The following MSS51 variants were observed in gnomAD, a reference collection of about 807,000 sequenced individuals.
MSS51 encodes putative protein MSS51 homolog, mitochondrial.
A neutral mutation model predicts 40.2 loss-of-function variants in MSS51; 32 were observed. The ratio of observed to expected loss-of-function variants is 0.80; its 90% confidence interval spans 0.60 to 1.07. MSS51 has a LOEUF of 1.07. Among genes scored for constraint, MSS51 ranks in the 50% least tolerant of loss-of-function variants. The pLI is 0.00. For missense variants in MSS51, 518 were observed against 568.9 expected (o/e 0.91, Z 0.91); for synonymous variants, 178 against 214.2 (o/e 0.83, Z 1.48).
In MSS51 at chr10:73,426,129, T is replaced by G. The variant is rs1349093878; in HGVS notation, c.751A>C (p.Arg251=). The change falls in exon 5 of 7, where the codon AGG becomes CGG. Residue 251 remains arginine, a synonymous_variant. Coordinates refer to ENST00000299432, the MANE Select transcript of MSS51 (RefSeq NM_001024593.2). ...CTCCTAACATCTATCCCCAAGGCCC[T>G]AAGTCCTAGGCCTAGAGTCAAGGGC... is the stretch of plus-strand genomic sequence containing the variant. ...SRPLTLGLGL[R]ALGIDVRRTG... 1 of 1,614,176 alleles carries G rather than the reference T, an allele frequency of 6.2e-7. No individual in the cohort carries two copies. Among genetic ancestry groups the G allele is most frequent in the Non-Finnish European group, 8.5e-7 (1 of 1,180,030 alleles).
At position 73,426,147 on chromosome 10, in the gene MSS51, T is replaced by C. The variant is rs370061989; in HGVS notation, c.733A>G (p.Thr245Ala). The change falls in exon 5 of 7, where the codon ACT becomes GCT. Residue 245 changes from threonine (T) to alanine (A), a missense_variant. Transcript: ENST00000299432. ...AAGGCCCTAAGTCCTAGGCCTAGAG[T>C]CAAGGGCCGTGACAGGACATCTGTC... ...LLTDVLSRPL[T>A]LGLGLRALGI... 1.5e-5 allele frequency: 25 copies of C among 1,614,062 alleles called. No homozygotes were observed. Among genetic ancestry groups the C allele is most frequent in the Non-Finnish European group, 2.1e-5 (25 of 1,180,032 alleles).
intron 4 of MSS51, 77 bp downstream of exon 4, chr10:73,426,526 TAACA>T (rs2055989628): frequency 1.5e-5 from 24 of 1,601,292 alleles, no homozygotes; most frequent in Non-Finnish European, 2.0e-5. Context: ...CATTTTTTCA[TAACA>T]ATATGATTTT....
chr10:73,426,285 C>T lies in MSS51; in HGVS notation c.595G>A (p.Asp199Asn), dbSNP rs1022930741. Residue 199 changes from aspartate to asparagine, a missense_variant, in exon 5 of 7, where the codon GAT (aspartate) becomes AAT (asparagine). Asp to Asn is a conservative substitution (Grantham distance 23). Transcript: ENST00000299432. Reference protein sequence around the residue: ...SWFSMKGLHLDATLDAVLVSH... With the variant: ...SWFSMKGLHLNATLDAVLVSH... ...ACTAGCACAGCATCCAATGTAGCAT[C>T]TAGGTGTAACCCCTTCATAGAAAAC... The T allele has an allele frequency of 1.2e-6, 2 of 1,610,244 alleles. No homozygotes were observed. Among genetic ancestry groups the T allele is most frequent in the African/African-American group, 2.7e-5 (2 of 74,948 alleles).
intron 1 of MSS51, among the ~76,000 whole-genome samples, chr10:73,432,505 T>A (rs956921019): frequency 6.6e-6 from 1 of 152,140 alleles, no homozygotes; most frequent in African/African-American, 2.4e-5. Flanking sequence ...AGCAAGCCAC[T>A]TAAGGTCAGA....
Position 73,425,195 on chromosome 10 carries a change from T to C in MSS51, c.1070-4A>G. ...AAGTCTGGGGAGGAATGAAAACCTG[T>C]GGAACAAAAATGAAAATGGGAATAG... On this transcript the variant is annotated splice_polypyrimidine_tract_variant and splice_region_variant and intron_variant, in intron 5 of 6. Transcript: ENST00000299432. The C allele has an allele frequency of 6.3e-7, 1 of 1,576,458 alleles. No homozygotes were observed. The highest frequency in any genetic ancestry group is 8.6e-7 in the Non-Finnish European group (1 of 1,165,632).
intron 6 of MSS51, 138 bp from the exon 7 acceptor site, chr10:73,424,910 C>T: frequency 1.3e-6 from 1 of 797,304 alleles, no homozygotes; most frequent in Non-Finnish European, 2.1e-6. Context: ...CTATCTTTCC[C>T]TCCCAAATGT....
chr10:73,424,849 T>C, intron 6 of MSS51, 77 bp from the exon 7 acceptor site: 1 of 1,230,356 alleles, frequency 8.1e-7, no homozygotes, highest in South Asian at 1.3e-5. Flanking sequence ...GAGCCTGACA[T>C]TTCTGTAATC....
chr10:73,427,845 C>A, intron 2 of MSS51, 77 bp from the exon 3 acceptor site: 1 of 1,519,754 alleles, frequency 6.6e-7, no homozygotes, highest in South Asian at 1.2e-5. Flanking sequence ...CCCATCTTGT[C>A]TCCTACACAT....
Position 73,423,857 on chromosome 10 carries a change from T to C in MSS51, c.*696A>G, listed in dbSNP as rs1418319793. 6.6e-6 allele frequency: 1 copy of C among 152,412 alleles called. No homozygotes were observed. The highest frequency in any genetic ancestry group is 1.5e-5 in the Non-Finnish European group (1 of 68,096). The allele number at this position is 152,412 out of a possible 1,614,324, so 9.4% of individuals were successfully genotyped here. On this transcript the variant is annotated 3_prime_UTR_variant, in exon 7 of 7. Coordinates refer to ENST00000299432, the MANE Select transcript of MSS51 (RefSeq NM_001024593.2). ...CATCACTTCAAGTCATCAACATCTT[T>C]CCATTTTTTAGCCCAAATTACTGGA...
At chr10:73,425,066 G>C in intron 6 of MSS51, 32 bp downstream of exon 6, 1 of 1,507,386 alleles carries the variant, frequency 6.6e-7, no homozygotes, top group South Asian at 1.1e-5. Context: ...TGTAAAGTCA[G>C]GGAAGTATCA....
Position 73,424,703 on chromosome 10 carries a change from A to G in MSS51, c.1233T>C (p.Ser411=). The part of the protein sequence containing the change: ...ELDTHITAFG[S]NPFMSLKPEQ... ...CAGGTTTGAGGGACATGAAAGGATT[A>G]GACCCAAAGGCAGTGATGTGTGTAT... Residue 411 remains serine (S), a synonymous_variant, in exon 7 of 7, where the codon TCT becomes TCC. Coordinates refer to ENST00000299432, the MANE Select transcript of MSS51 (RefSeq NM_001024593.2). 6.2e-7 allele frequency: 1 copy of G among 1,614,220 alleles called. No individual in the cohort carries two copies. The highest frequency in any genetic ancestry group is 8.5e-7 in the Non-Finnish European group (1 of 1,180,024).
intron 1 of MSS51, among the ~76,000 whole-genome samples, chr10:73,431,284 A>G (rs1009091083): frequency 2.0e-5 from 3 of 152,228 alleles, no homozygotes; most frequent in Non-Finnish European, 4.4e-5. Flanking sequence ...TTTATGTTAT[A>G]TGATTTTCAC....
chr10:73,426,195 G>A lies in MSS51; in HGVS notation c.685C>T (p.Gln229Ter), dbSNP rs926837062. ...GRPRPDPDVL[Q>*]GSLKRLLTDV... ...GTCAGCAGCCGCTTCAAAGATCCCT[G>A]CAGGACATCCGGGTCTGGCCTTGGC... Residue 229 changes from glutamine (Q) to a stop codon, truncating the protein, a stop_gained, in exon 5 of 7, where the codon CAG becomes TAG. Transcript: ENST00000299432. LOFTEE classifies it high-confidence loss of function. The A allele has an allele frequency of 1.2e-6, 2 of 1,614,220 alleles. No individual in the cohort carries two copies. Among genetic ancestry groups the A allele is most frequent in the South Asian group, 2.2e-5 (2 of 91,088 alleles).
intron 1 of MSS51, among the ~76,000 whole-genome samples, chr10:73,428,855 A>G (rs749724697): frequency 1.3e-5 from 2 of 152,100 alleles, no homozygotes; most frequent in Non-Finnish European, 2.9e-5. Context: ...ATATATATAC[A>G]CACACATATA....
At position 73,425,815 on chromosome 10, in the gene MSS51, A is replaced by G; in HGVS notation, c.1065T>C (p.His355=). 1 of 1,612,020 alleles carries G rather than the reference A, an allele frequency of 6.2e-7. No individual in the cohort carries two copies. The part of the protein sequence containing the change: ...THHPDLVAAF[H]PGFHSSPDLM... Reference sequence around the variant, plus strand: ...CCCTGAACCAATGACTCTTACCTGGATGGAATGCCGCCACCAAATCTGGAT... The same window carrying G: ...CCCTGAACCAATGACTCTTACCTGGGTGGAATGCCGCCACCAAATCTGGAT... The change falls in exon 5 of 7, where the codon CAT becomes CAC. Residue 355 remains histidine, a synonymous_variant. Coordinates refer to ENST00000299432, the MANE Select transcript of MSS51 (RefSeq NM_001024593.2).
chr10:73,424,725 G>A lies in MSS51; in HGVS notation c.1211C>T (p.Thr404Ile). 1.2e-6 allele frequency: 2 copies of A among 1,614,166 alleles called. No individual in the cohort carries two copies. Among genetic ancestry groups the A allele is most frequent in the Non-Finnish European group, 8.5e-7 (1 of 1,180,014 alleles). Residue 404 changes from threonine (T) to isoleucine (I), a missense_variant, in exon 7 of 7, where the codon ACA (threonine) becomes ATA (isoleucine). Transcript: ENST00000299432. ...ATTAGACCCAAAGGCAGTGATGTGT[G>A]TATCCAGTTCCACCAGAATCTGCAA... The part of the protein sequence containing the change: ...SSLQILVELD[T>I]HITAFGSNPF...
In MSS51 at chr10:73,426,607, C is replaced by T. The variant is rs766090564; in HGVS notation, c.502G>A (p.Gly168Ser). The T allele has an allele frequency of 6.2e-7, 1 of 1,614,066 alleles. No individual in the cohort carries two copies. The highest frequency in any genetic ancestry group is 1.3e-5 in the African/African-American group (1 of 74,910). ...GAGATCCTCAACACCACCACTCCAC[C>T]TGTGACCAGAAGCCATTCCATGAGA... is the stretch of plus-strand genomic sequence containing the variant. ...DRLMEWLLVT[G>S]DFVLPSGPWP... Residue 168 changes from glycine to serine, a missense_variant and splice_region_variant, in exon 4 of 7, where the codon GGT (glycine) becomes AGT (serine). Physicochemically the swap from Gly to Ser is moderately conservative, Grantham distance 56. Transcript: ENST00000299432.
intron 1 of MSS51, among the ~76,000 whole-genome samples, chr10:73,429,208 A>G (rs1008089410): frequency 2.6e-5 from 4 of 151,352 alleles, no homozygotes; most frequent in African/African-American, 7.3e-5. Flanking sequence ...CTCTGTCTCA[A>G]AAAAAAAAGA....
At chr10:73,428,969 C>T (rs1424989884) in intron 1 of MSS51, among the ~76,000 whole-genome samples, 1 of 151,334 alleles carries the variant, frequency 6.6e-6, no homozygotes, top group Non-Finnish European at 1.5e-5. Context: ...CTTTGGGAGG[C>T]TGAGGCGGGC....
Sources: allele counts gnomAD v4.1 joint callset (sites outside exome capture counted in the v4.1 genomes callset), GRCh38; gene constraint gnomAD v4.1.1; transcripts MANE v1.5; gene names NCBI Gene and HGNC (gene_info 2026-07-23, HGNC 2026-07-21).